Variants in EPB41L4A observed in about 807,000 individuals in gnomAD.
EPB41L4A encodes the protein band 4.1-like protein 4A.
In EPB41L4A, 100 loss-of-function variants were observed where a neutral mutation model predicts 108.6. That is an observed-to-expected ratio of 0.92 (90% CI 0.78 to 1.09). The LOEUF (loss-of-function observed/expected upper bound fraction) is 1.09. Among genes scored for constraint, EPB41L4A ranks in the 50% least tolerant of loss-of-function variants. The pLI, the probability that EPB41L4A is intolerant of heterozygous loss-of-function variation, is 0.00. For synonymous variants in EPB41L4A, 319 were observed against 289.0 expected, an observed-to-expected ratio of 1.10 and a Z score of -1.05; for missense variants, 1,030 against 842.7, an observed-to-expected ratio of 1.22 and a Z score of -2.75.
intron 15 of EPB41L4A, among the ~76,000 whole-genome samples, chr5:112,203,639 A>T (rs1762323137): frequency 6.6e-6 from 1 of 152,204 alleles, no homozygotes; most frequent in Non-Finnish European, 1.5e-5. Context: ...ATGTAACAGG[A>T]TTCATTTTTT....
At chr5:112,317,315 C>A (rs532347438) in intron 1 of EPB41L4A, among the ~76,000 whole-genome samples, 17 of 152,160 alleles carry the variant, frequency 1.1e-4, no homozygotes, top group Non-Finnish European at 1.6e-4. Context: ...ATTTCTTGTA[C>A]TTTGTTTCAT....
At position 112,419,209 on chromosome 5, in the gene EPB41L4A, G is replaced by T. The variant is rs988594919; in HGVS notation, c.-170C>A. On this transcript the variant is annotated 5_prime_UTR_variant, in exon 1 of 23. Coordinates refer to ENST00000261486, the MANE Select transcript of EPB41L4A (RefSeq NM_022140.5). Reference sequence around the variant, plus strand: ...GCCGCCGAACCGCCCGGCGGGGCGGGAGCGAGAAAGGCGGAAAAGCCCGGG... The same window carrying T: ...GCCGCCGAACCGCCCGGCGGGGCGGTAGCGAGAAAGGCGGAAAAGCCCGGG... 6 of 500,896 alleles carry T rather than the reference G, an allele frequency of 1.2e-5. No homozygotes were observed. The highest frequency in any genetic ancestry group is 8.1e-5 in the Admixed American group (2 of 24,666). 31.0% of individuals were successfully genotyped at this position (500,896 alleles called of 1,614,324 possible).
chr5:112,254,102 G>A (rs2150418187), intron 9 of EPB41L4A, among the ~76,000 whole-genome samples: 1 of 152,236 alleles, frequency 6.6e-6, no homozygotes, highest in South Asian at 2.1e-4. Flanking sequence ...TTAGTTTCCT[G>A]AGGTATTATA....
At position 112,352,063 on chromosome 5, in the gene EPB41L4A, A is replaced by G. The variant is rs1758077087; in HGVS notation, c.100-44573T>C. Among the ~76,000 whole-genome samples the G allele has an allele frequency of 3.3e-5, 5 of 152,336 alleles. No individual in the cohort carries two copies. The South Asian group carries it at 1.0e-3, about 32-fold the overall frequency. ...ATCATACTGAATGGGGAAAAGCTGA[A>G]AGCTATCTTTTTAAAAAAAACACTT... On this transcript the variant is annotated intron_variant, in intron 1 of 22. Coordinates refer to ENST00000261486, the MANE Select transcript of EPB41L4A (RefSeq NM_022140.5).
intron 14 of EPB41L4A, among the ~76,000 whole-genome samples, chr5:112,205,100 C>T (rs539459487): frequency 6.6e-6 from 1 of 152,228 alleles, no homozygotes; most frequent in Admixed American, 6.5e-5. Flanking sequence ...AGTTTTTAAC[C>T]AAAACTATGA....
intron 4 of EPB41L4A, among the ~76,000 whole-genome samples, chr5:112,273,114 G>A (rs1752379642): frequency 6.6e-6 from 1 of 152,046 alleles, no homozygotes; most frequent in South Asian, 2.1e-4. Flanking sequence ...TCTTTTTCAG[G>A]TACATTAATG....
At chr5:112,388,378 T>A (rs1369607240) in intron 1 of EPB41L4A, among the ~76,000 whole-genome samples, 16 of 152,118 alleles carry the variant, frequency 1.1e-4, no homozygotes, top group Non-Finnish European at 2.4e-4. Context: ...CTGGCCCAGG[T>A]CACTTGGCTC....
chr5:112,280,893 C>A (rs755335268), intron 2 of EPB41L4A, among the ~76,000 whole-genome samples: 7 of 152,204 alleles, frequency 4.6e-5, no homozygotes, highest in Non-Finnish European at 8.8e-5. Context: ...AATACGTCCT[C>A]ACCATCTTTG....
chr5:112,240,027 A>G (rs1244899465), intron 10 of EPB41L4A, among the ~76,000 whole-genome samples: 6 of 152,220 alleles, frequency 3.9e-5, no homozygotes, highest in African/African-American at 1.4e-4. Context: ...CCCACAATCC[A>G]AAGGTCATTT....
intron 12 of EPB41L4A, among the ~76,000 whole-genome samples, chr5:112,221,580 AT>A (rs1748052153): frequency 6.6e-6 from 1 of 152,188 alleles, no homozygotes; most frequent in African/African-American, 2.4e-5. Flanking sequence ...TGTGTTTGGA[AT>A]TTAGTAAGTG....
intron 12 of EPB41L4A, among the ~76,000 whole-genome samples, chr5:112,215,578 ATGG>A (rs1747569199): frequency 1.3e-5 from 2 of 152,026 alleles, no homozygotes; most frequent in African/African-American, 2.4e-5. Context: ...CTGGTTAACA[ATGG>A]TGAAACCCCG....
At chr5:112,300,358 T>A (rs972453205) in intron 2 of EPB41L4A, among the ~76,000 whole-genome samples, 2 of 152,192 alleles carry the variant, frequency 1.3e-5, no homozygotes, top group Non-Finnish European at 2.9e-5. Flanking sequence ...TGGCAAATTC[T>A]CTCAGCATTT....
chr5:112,361,229 G>T (rs569497425), intron 1 of EPB41L4A, among the ~76,000 whole-genome samples: 1 of 152,092 alleles, frequency 6.6e-6, no homozygotes, highest in Non-Finnish European at 1.5e-5. Context: ...CCCCAACCCC[G>T]TGCTCTCTGA....
At chr5:112,282,702 C>T (rs754641599) in intron 2 of EPB41L4A, among the ~76,000 whole-genome samples, 2 of 152,156 alleles carry the variant, frequency 1.3e-5, no homozygotes, top group East Asian at 1.9e-4. Flanking sequence ...TTTAATTTCA[C>T]GCCCTACGCT....
intron 1 of EPB41L4A, among the ~76,000 whole-genome samples, chr5:112,322,407 A>C (rs113625953): frequency 6.6e-6 from 1 of 152,308 alleles, no homozygotes; most frequent in Non-Finnish European, 1.5e-5. Flanking sequence ...AAGCTCTATC[A>C]AAACTGCTAC....
intron 12 of EPB41L4A, among the ~76,000 whole-genome samples, chr5:112,219,948 G>A (rs1239481005): frequency 1.3e-5 from 2 of 152,128 alleles, no homozygotes; most frequent in East Asian, 3.9e-4. Context: ...CACCCACCTT[G>A]GCCTCCCAAA....
At chr5:112,291,015 G>C (rs983148218) in intron 2 of EPB41L4A, among the ~76,000 whole-genome samples, 6 of 152,086 alleles carry the variant, frequency 3.9e-5, no homozygotes, top group African/African-American at 1.5e-4. Context: ...AAAACCTAGA[G>C]ACTCCTAGAT....
intron 18 of EPB41L4A, among the ~76,000 whole-genome samples, chr5:112,181,518 C>T (rs1021208778): frequency 6.6e-6 from 1 of 152,014 alleles, no homozygotes; most frequent in Non-Finnish European, 1.5e-5. Flanking sequence ...GGTATTTGCC[C>T]AAGCGAAAGA....
chr5:112,226,640 T>A (rs1748473907), intron 12 of EPB41L4A, among the ~76,000 whole-genome samples: 1 of 151,832 alleles, frequency 6.6e-6, no homozygotes, highest in Admixed American at 6.6e-5. Context: ...CCAAGAGGGC[T>A]GGAGAGCAGT....
Sources: gnomAD v4.1 joint callset for allele counts (sites outside exome capture counted in the v4.1 genomes callset) on GRCh38, gnomAD v4.1.1 for gene constraint, MANE v1.5 for transcripts, NCBI Gene and HGNC (gene_info 2026-07-23, HGNC 2026-07-21) for gene names.